MYH11: variants seen among roughly 807,000 people sequenced by gnomAD.
The protein encoded by MYH11 is myosin-11.
MYH11 carries 80 observed loss-of-function variants against 246.6 expected under a neutral mutation model. That is an observed-to-expected ratio of 0.32 (90% CI 0.27 to 0.39). MYH11 has a LOEUF of 0.39. Ranked by LOEUF, MYH11 falls within the 10% of genes least tolerant of loss-of-function variation. The pLI, the probability that MYH11 is intolerant of heterozygous loss-of-function variation, is 1.00. For missense variants in MYH11, 2,158 were observed against 2,546.8 expected (o/e 0.85, Z 3.29); for synonymous variants, 1,071 against 1,015.5 (o/e 1.05, Z -1.04).
At chr16:15,799,017 GGATCTATACA>G (rs1178054749) in intron 3 of MYH11, among the ~76,000 whole-genome samples, 1 of 152,208 alleles carries the variant, frequency 6.6e-6, no homozygotes, top group Non-Finnish European at 1.5e-5. Flanking sequence ...CGCAGATGTT[GGATCTATACA>G]GATTGGGGTC....
At chr16:15,834,945 T>G (rs2151378559) in intron 2 of MYH11, among the ~76,000 whole-genome samples, 1 of 143,850 alleles carries the variant, frequency 7.0e-6, no homozygotes, top group African/African-American at 2.6e-5. Context: ...CCAGGTGTGG[T>G]GGTGCACACC....
rs1403883169 is a variant in MYH11 at position 15,718,457 on chromosome 16, T to C, written c.5172-19A>G. 2 of 1,545,300 alleles carry C rather than the reference T, an allele frequency of 1.3e-6. No individual in the cohort carries two copies. Among genetic ancestry groups the C allele is most frequent in the East Asian group, 2.4e-5 (1 of 41,444 alleles). ...TGCGTTCCTGGGGGAAGGGCGGCCA[T>C]GGTGGGGGCCTCTACCCTCCCCCGC... is the stretch of plus-strand genomic sequence containing the variant. On this transcript the variant is annotated intron_variant, in intron 36 of 40. Transcript: ENST00000300036.
At chr16:15,741,974 C>T in intron 20 of MYH11, 83 bp from the exon 21 acceptor site, 2 of 1,572,868 alleles carry the variant, frequency 1.3e-6, no homozygotes, top group Non-Finnish European at 1.7e-6. Context: ...TGGTTCCGAG[C>T]CAGGGACAAT....
chr16:15,820,247 C>A, intron 3 of MYH11, among the ~76,000 whole-genome samples: 1 of 152,196 alleles, frequency 6.6e-6, no homozygotes, highest in Middle Eastern at 3.4e-3. Flanking sequence ...GAGGCTGAGG[C>A]GGGCAGATCA....
At chr16:15,755,226 G>A (rs1481922661) in intron 14 of MYH11, among the ~76,000 whole-genome samples, 1 of 152,176 alleles carries the variant, frequency 6.6e-6, no homozygotes, top group Admixed American at 6.6e-5. Context: ...ACTAAGCTAT[G>A]TCCTTTGTAC....
At chr16:15,717,029 T>C in intron 38 of MYH11, 111 bp downstream of exon 38, 1 of 1,168,212 alleles carries the variant, frequency 8.6e-7, no homozygotes, top group Non-Finnish European at 1.3e-6. Context: ...ATCACAGAGC[T>C]TGCTTCTTAC....
chr16:15,809,419 C>T (rs1183640132), intron 3 of MYH11, among the ~76,000 whole-genome samples: 1 of 150,486 alleles, frequency 6.6e-6, no homozygotes, highest in African/African-American at 2.4e-5. Flanking sequence ...GTGGTCCCAG[C>T]TACTTGGGAG....
At chr16:15,733,551 G>C (rs1460276995) in intron 26 of MYH11, among the ~76,000 whole-genome samples, 7 of 151,336 alleles carry the variant, frequency 4.6e-5, no homozygotes, top group Non-Finnish European at 1.0e-4. Context: ...TGTTTTGTTT[G>C]TTTGTTTTTC....
chr16:15,839,881 T>C (rs1170504080), intron 1 of MYH11, among the ~76,000 whole-genome samples: 2 of 151,828 alleles, frequency 1.3e-5, no homozygotes, highest in African/African-American at 4.8e-5. Flanking sequence ...TAAAACCCCA[T>C]CTCTACTAAA....
intron 34 of MYH11, among the ~76,000 whole-genome samples, chr16:15,719,921 G>T (rs577488466): frequency 6.6e-6 from 1 of 152,308 alleles, no homozygotes; most frequent in East Asian, 1.9e-4. Context: ...TGCCTGAGAA[G>T]CTGAGCCCCT....
At chr16:15,828,202 G>A (rs1297448819) in intron 2 of MYH11, among the ~76,000 whole-genome samples, 3 of 152,150 alleles carry the variant, frequency 2.0e-5, no homozygotes, top group African/African-American at 7.2e-5. Flanking sequence ...AAAACAGGGA[G>A]GCATACGAAC....
intron 9 of MYH11, among the ~76,000 whole-genome samples, chr16:15,769,429 G>A (rs908502754): frequency 2.6e-5 from 4 of 152,284 alleles, no homozygotes; most frequent in Non-Finnish European, 5.9e-5. Context: ...GAGCCTGCAA[G>A]GCAGAGATTG....
intron 5 of MYH11, chr16:15,785,193 GT>G (rs1425221473): frequency 6.5e-5 from 10 of 154,884 alleles, no homozygotes; most frequent in Non-Finnish European, 1.3e-4. Flanking sequence ...CATTTCAAAG[GT>G]TTTCATAATT....
intron 1 of MYH11, among the ~76,000 whole-genome samples, chr16:15,852,715 T>C (rs185968584): frequency 9.9e-4 from 150 of 152,274 alleles, no homozygotes; most frequent in African/African-American, 3.3e-3. Flanking sequence ...CAAGCGCATT[T>C]CTGGGAATTT....
At chr16:15,757,375 G>A (rs1390984605) in intron 13 of MYH11, among the ~76,000 whole-genome samples, 2 of 150,690 alleles carry the variant, frequency 1.3e-5, no homozygotes, top group Non-Finnish European at 3.0e-5. Context: ...TGGGCGTGGT[G>A]GTGCACGCCT....
Position 15,753,395 on chromosome 16 carries a change from G to A in MYH11, c.1863C>T (p.Asp621=), listed in dbSNP as rs200158182. The part of the protein sequence containing the change: ...SDKFVADLWK[D]VDRIVGLDQM... ...GGACCCGAGCAGAGAAGGCCTTACC[G>A]TCCTTCCACAGGTCGGCCACAAACT... Residue 621 remains aspartate, a splice_region_variant and synonymous_variant, in exon 15 of 41, where the codon GAC becomes GAT. Transcript: ENST00000300036. 194 of 1,613,428 alleles carry A rather than the reference G, an allele frequency of 1.2e-4. No homozygotes were observed. The highest frequency in any genetic ancestry group is 1.6e-4 in the Non-Finnish European group (189 of 1,179,534).
intron 8 of MYH11, among the ~76,000 whole-genome samples, chr16:15,774,848 G>A (rs1190530962): frequency 2.6e-5 from 4 of 152,104 alleles, no homozygotes; most frequent in East Asian, 1.9e-4. Flanking sequence ...CTCTGCCTCC[G>A]AAAGTGTGGG....
intron 1 of MYH11, among the ~76,000 whole-genome samples, chr16:15,849,450 CT>C (rs201545707): frequency 6.6e-6 from 1 of 151,392 alleles, no homozygotes; most frequent in Non-Finnish European, 1.5e-5. Flanking sequence ...CTGCTTCATT[CT>C]TTTTTTTTGA....
At chr16:15,707,887 G>A (rs1167070092) in intron 40 of MYH11, among the ~76,000 whole-genome samples, 2 of 149,116 alleles carry the variant, frequency 1.3e-5, no homozygotes, top group East Asian at 2.0e-4. Flanking sequence ...TAGGAGAATC[G>A]CTTGAACCCA....
Sources: allele counts gnomAD v4.1 joint callset (sites outside exome capture counted in the v4.1 genomes callset), GRCh38; gene constraint gnomAD v4.1.1; transcripts MANE v1.5; gene names NCBI Gene and HGNC (gene_info 2026-07-23, HGNC 2026-07-21).